The following GNA12 variants were observed in gnomAD, a reference collection of about 807,000 sequenced individuals.
GNA12 encodes guanine nucleotide-binding protein subunit alpha-12.
GNA12 carries 9 observed loss-of-function variants against 26.0 expected under a neutral mutation model. That is an observed-to-expected ratio of 0.35 (90% CI 0.21 to 0.60). The LOEUF (loss-of-function observed/expected upper bound fraction) is 0.60. GNA12 is among the 20% of genes least tolerant of loss of function. The pLI, the probability that GNA12 is intolerant of heterozygous loss-of-function variation, is 0.78. For synonymous variants in GNA12, 264 were observed against 219.6 expected (o/e 1.20, Z -1.79); for missense variants, 405 against 525.8 (o/e 0.77, Z 2.25).
intron 1 of GNA12, among the ~76,000 whole-genome samples, chr7:2,796,530 T>C (rs1792683148): frequency 6.6e-6 from 1 of 152,158 alleles, no homozygotes. Flanking sequence ...TTCTTCCAGC[T>C]TAAAACGGGT....
At chr7:2,841,135 A>C (rs1778977554) in intron 1 of GNA12, among the ~76,000 whole-genome samples, 1 of 152,096 alleles carries the variant, frequency 6.6e-6, no homozygotes, top group Non-Finnish European at 1.5e-5. Context: ...ATGCATCAGG[A>C]GGTTGAGTTT....
rs71026549 is a variant in GNA12 at position 2,757,129 on chromosome 7, CTT to C, written c.526-23630_526-23629del. ...GCAGGCCCGATCTAATCAGGTGGGC[CTT>C]TTTTTTTTTTTTTTTTTTTTTTGAG... On this transcript the variant is annotated intron_variant, in intron 2 of 3. Coordinates refer to ENST00000275364, the MANE Select transcript of GNA12 (RefSeq NM_007353.3). Among the ~76,000 whole-genome samples the C allele has an allele frequency of 5.4e-3, 510 of 93,960 alleles. 1 individual carries two copies. The highest frequency in any genetic ancestry group is 0.02 in the African/African-American group (467 of 22,970). The allele number at this position is 93,960 out of a possible 152,430, so 61.6% of individuals were successfully genotyped here. A position where few individuals can be genotyped will look rare whatever the true frequency, so the allele number is the denominator to read the frequency against.
intron 2 of GNA12, among the ~76,000 whole-genome samples, chr7:2,772,264 CA>C (rs1791967703): frequency 6.6e-6 from 1 of 152,156 alleles, no homozygotes; most frequent in Admixed American, 6.5e-5. Context: ...AACAGATGTA[CA>C]AAAGGTGCCA....
chr7:2,796,386 G>A (rs1043067656), intron 1 of GNA12, among the ~76,000 whole-genome samples: 2 of 152,172 alleles, frequency 1.3e-5, no homozygotes, highest in African/African-American at 4.8e-5. Flanking sequence ...TGGTATCACC[G>A]TCCGCGCCTA....
At chr7:2,811,768 G>A (rs1362612171) in intron 1 of GNA12, among the ~76,000 whole-genome samples, 1 of 152,144 alleles carries the variant, frequency 6.6e-6, no homozygotes, top group African/African-American at 2.4e-5. Flanking sequence ...TCTTCCCTGC[G>A]GCACGGACGC....
intron 1 of GNA12, chr7:2,814,810 C>A: frequency 6.7e-7 from 1 of 1,493,826 alleles, no homozygotes; most frequent in South Asian, 1.2e-5. Context: ...GCACTGCTCC[C>A]AAGCACCCTT....
At chr7:2,734,975 G>A (rs960011287) in intron 2 of GNA12, among the ~76,000 whole-genome samples, 3 of 152,156 alleles carry the variant, frequency 2.0e-5, no homozygotes, top group African/African-American at 7.2e-5. Context: ...CCAAGCCCCC[G>A]TGATGTGGGA....
At chr7:2,797,716 C>G (rs534743828) in intron 1 of GNA12, among the ~76,000 whole-genome samples, 2 of 152,230 alleles carry the variant, frequency 1.3e-5, no homozygotes, top group East Asian at 3.9e-4. Context: ...AAAGTCTCCT[C>G]CAGACCCAGC....
At chr7:2,783,754 G>A (rs971413380) in intron 2 of GNA12, among the ~76,000 whole-genome samples, 2 of 151,420 alleles carry the variant, frequency 1.3e-5, no homozygotes, top group Non-Finnish European at 2.9e-5. Context: ...GGGCAATCTC[G>A]GCTCACTGCA....
intron 1 of GNA12, among the ~76,000 whole-genome samples, chr7:2,811,774 G>A (rs1010203312): frequency 3.3e-5 from 5 of 152,178 alleles, no homozygotes; most frequent in Non-Finnish European, 4.4e-5. Context: ...CTGCGGCACG[G>A]ACGCTGCTGA....
chr7:2,816,898 C>T (rs1036489826), intron 1 of GNA12, among the ~76,000 whole-genome samples: 1 of 152,142 alleles, frequency 6.6e-6, no homozygotes, highest in Non-Finnish European at 1.5e-5. Flanking sequence ...GACTTCTTAC[C>T]GCCTCCTCTG....
chr7:2,762,586 A>G, intron 2 of GNA12: 1 of 1,495,312 alleles, frequency 6.7e-7, no homozygotes, highest in South Asian at 1.4e-5. Context: ...AATTACATTT[A>G]CAAACCCAAA....
intron 2 of GNA12, among the ~76,000 whole-genome samples, chr7:2,745,335 G>A (rs904636425): frequency 2.0e-4 from 31 of 152,210 alleles, no homozygotes; most frequent in Admixed American, 1.0e-3. Context: ...CAGAAACTCT[G>A]CAAGCCAGAA....
chr7:2,778,699 G>A (rs1792140320), intron 2 of GNA12, among the ~76,000 whole-genome samples: 1 of 152,220 alleles, frequency 6.6e-6, no homozygotes, highest in Non-Finnish European at 1.5e-5. Flanking sequence ...TAAGCATGGT[G>A]CTAGATGTTT....
intron 1 of GNA12, among the ~76,000 whole-genome samples, chr7:2,823,350 G>A (rs962105626): frequency 2.6e-5 from 4 of 152,192 alleles, no homozygotes; most frequent in African/African-American, 4.8e-5. Flanking sequence ...GGGCAAAAGC[G>A]TGTTCTGACA....
At chr7:2,806,756 C>G (rs779338402) in intron 1 of GNA12, among the ~76,000 whole-genome samples, 8 of 152,134 alleles carry the variant, frequency 5.3e-5, no homozygotes, top group Non-Finnish European at 1.0e-4. Context: ...AGTAGTCCGA[C>G]ATGTGGGACA....
intron 2 of GNA12, among the ~76,000 whole-genome samples, chr7:2,765,628 T>C (rs1426073032): frequency 6.6e-6 from 1 of 151,222 alleles, no homozygotes; most frequent in African/African-American, 2.4e-5. Context: ...TTTTTTTTTC[T>C]TCTTTTTATT....
intron 2 of GNA12, among the ~76,000 whole-genome samples, chr7:2,737,481 G>T (rs1361079148): frequency 1.3e-5 from 2 of 151,864 alleles, no homozygotes; most frequent in African/African-American, 4.8e-5. Context: ...TAGAGACGGG[G>T]TTTCACCAGG....
chr7:2,763,056 C>T lies in GNA12; in HGVS notation c.526-29555G>A, dbSNP rs1013007190. The T allele has an allele frequency of 1.0e-5, 13 of 1,246,604 alleles. No individual in the cohort carries two copies. In the African/African-American group the frequency reaches 1.5e-4, roughly 15 times the overall value. The allele number at this position is 1,246,604 out of a possible 1,614,324, so 77.2% of individuals were successfully genotyped here. ...GACTCAGCGTGCCGTTCCTCCAGGA[C>T]GCAGACCGGGGCTCCCTACCAGCCT... On this transcript the variant is annotated intron_variant, in intron 2 of 3. Transcript: ENST00000275364.
Sources: gnomAD v4.1 joint callset for allele counts (sites outside exome capture counted in the v4.1 genomes callset) on GRCh38, gnomAD v4.1.1 for gene constraint, MANE v1.5 for transcripts, NCBI Gene and HGNC (gene_info 2026-07-23, HGNC 2026-07-21) for gene names.